The following PARD3B variants were observed in gnomAD, a reference collection of about 807,000 sequenced individuals.
PARD3B encodes the protein partitioning defective 3 homolog B.
PARD3B carries 103 observed loss-of-function variants against 130.2 expected under a neutral mutation model. That is an observed-to-expected ratio of 0.79 (90% CI 0.67 to 0.93). The LOEUF is 0.93. PARD3B is among the 40% of genes least tolerant of loss of function. PARD3B has a pLI of 0.00. For synonymous variants in PARD3B, 583 were observed against 553.2 expected, an observed-to-expected ratio of 1.05 and a Z score of -0.76; for missense variants, 1,609 against 1,499.2, an observed-to-expected ratio of 1.07 and a Z score of -1.21.
At chr2:205,038,112 G>T (rs1229867829) in intron 3 of PARD3B, among the ~76,000 whole-genome samples, 1 of 152,068 alleles carries the variant, frequency 6.6e-6, no homozygotes, top group African/African-American at 2.4e-5. Context: ...GTGATGGCAG[G>T]TGGTCTGTTT....
intron 1 of PARD3B, among the ~76,000 whole-genome samples, chr2:204,684,468 G>A (rs1167282702): frequency 6.6e-6 from 1 of 152,126 alleles, no homozygotes; most frequent in Non-Finnish European, 1.5e-5. Flanking sequence ...CAGAAGTCCT[G>A]GGTAGATTTG....
At position 205,500,167 on chromosome 2, in the gene PARD3B, C is replaced by A. The variant is rs533348599; in HGVS notation, c.3180+136C>A. The A allele has an allele frequency of 8.0e-6, 8 of 1,004,906 alleles. No homozygotes were observed. The South Asian group carries it at 1.2e-4, about 15-fold the overall frequency. 62.2% of individuals were successfully genotyped at this position (1,004,906 alleles called of 1,614,324 possible). ...TGGGCTTCATAGACAGGAACATTACCCAAACCACAGGCATATTCTCCCACA... is the reference window on the plus strand; with the variant it reads ...TGGGCTTCATAGACAGGAACATTACACAAACCACAGGCATATTCTCCCACA... On this transcript the variant is annotated intron_variant, in intron 21 of 22. Transcript: ENST00000406610.
chr2:205,216,618 G>A (rs551980010), intron 15 of PARD3B, among the ~76,000 whole-genome samples: 3 of 152,040 alleles, frequency 2.0e-5, no homozygotes, highest in African/African-American at 4.8e-5. Flanking sequence ...GACAAAAGGG[G>A]TATGAAGTAT....
At chr2:205,250,827 C>G (rs2039812984) in intron 16 of PARD3B, among the ~76,000 whole-genome samples, 1 of 151,972 alleles carries the variant, frequency 6.6e-6, no homozygotes, top group Non-Finnish European at 1.5e-5. Flanking sequence ...TACTTGGAAG[C>G]CTGAGGCAAG....
chr2:205,132,857 A>C (rs926921110), intron 10 of PARD3B, among the ~76,000 whole-genome samples: 16 of 152,200 alleles, frequency 1.1e-4, no homozygotes, highest in Admixed American at 8.5e-4. Context: ...AGTGAGTGCC[A>C]AATCATATTA....
chr2:204,656,464 A>G (rs1354864161), intron 1 of PARD3B, among the ~76,000 whole-genome samples: 1 of 152,172 alleles, frequency 6.6e-6, no homozygotes, highest in African/African-American at 2.4e-5. Flanking sequence ...TCATTTTCCA[A>G]TCTACTTCAC....
At chr2:205,518,835 G>T (rs988741904) in intron 21 of PARD3B, among the ~76,000 whole-genome samples, 1 of 152,050 alleles carries the variant, frequency 6.6e-6, no homozygotes, top group African/African-American at 2.4e-5. Context: ...CCTTTGCTTA[G>T]GAACCTTAGT....
chr2:204,829,909 G>C (rs1459053995), intron 2 of PARD3B, among the ~76,000 whole-genome samples: 3 of 147,460 alleles, frequency 2.0e-5, no homozygotes, highest in Admixed American at 7.0e-5. Context: ...TGAGGCAGGA[G>C]AATGGCGTGA....
chr2:205,072,668 T>C (rs1700813967), intron 4 of PARD3B, among the ~76,000 whole-genome samples: 1 of 152,230 alleles, frequency 6.6e-6, no homozygotes, highest in Admixed American at 6.5e-5. Flanking sequence ...TGGTAAAACT[T>C]ATTTTAAATA....
At chr2:204,695,540 T>A (rs966302109) in intron 2 of PARD3B, among the ~76,000 whole-genome samples, 1 of 152,084 alleles carries the variant, frequency 6.6e-6, no homozygotes, top group African/African-American at 2.4e-5. Context: ...TAGGTTTTTC[T>A]TATTTTAAGC....
At chr2:204,995,074 A>G (rs1694041518) in intron 3 of PARD3B, among the ~76,000 whole-genome samples, 1 of 151,720 alleles carries the variant, frequency 6.6e-6, no homozygotes, top group African/African-American at 2.4e-5. Flanking sequence ...AATTTAGTTC[A>G]TTTATATTTA....
chr2:205,351,110 CA>C lies in PARD3B; in HGVS notation c.2630+49413del, dbSNP rs1416620818. On this transcript the variant is annotated intron_variant, in intron 18 of 22. Transcript: ENST00000406610. The surrounding 1 kb of genome is among the most constrained non-coding windows in gnomAD (Gnocchi z 4.2). The stretch of plus-strand genomic sequence containing the variant: ...AAGTGAAATTCTCTTGATATTTTTT[CA>C]AAAGGTGAATATTTTCTGGAATAAA... Among the ~76,000 whole-genome samples, 2 of 152,052 alleles carry C rather than the reference CA, an allele frequency of 1.3e-5. No homozygotes were observed. The highest frequency in any genetic ancestry group is 2.9e-5 in the Non-Finnish European group (2 of 68,004).
At chr2:204,732,777 TG>T (rs1175758153) in intron 2 of PARD3B, among the ~76,000 whole-genome samples, 1 of 152,218 alleles carries the variant, frequency 6.6e-6, no homozygotes, top group Non-Finnish European at 1.5e-5. Context: ...CATTAGTATT[TG>T]GATGCTTATC....
At chr2:205,228,704 C>T (rs2038687207) in intron 15 of PARD3B, among the ~76,000 whole-genome samples, 1 of 152,094 alleles carries the variant, frequency 6.6e-6, no homozygotes, top group East Asian at 1.9e-4. Context: ...TTACCCCTGT[C>T]TCTCTCTCTG....
At chr2:205,382,834 G>A (rs1433332245) in intron 18 of PARD3B, among the ~76,000 whole-genome samples, 1 of 151,930 alleles carries the variant, frequency 6.6e-6, no homozygotes, top group Non-Finnish European at 1.5e-5. Context: ...GCCACTGGGA[G>A]CATTTTCAGG....
chr2:204,951,471 C>G lies in PARD3B; in HGVS notation c.223-13681C>G, dbSNP rs992355230. 3.3e-5 allele frequency among the ~76,000 whole-genome samples: 5 copies of G among 152,252 alleles called. 1 individual carries two copies. The highest frequency in any genetic ancestry group is 6.8e-3 in the Middle Eastern group (2 of 294). ...TCCTAACTGTATTACCATCTGTTAT[C>G]TCATTGAAACACCACTTCTGTAGCC... On this transcript the variant is annotated intron_variant, in intron 2 of 22. Coordinates refer to ENST00000406610, the MANE Select transcript of PARD3B (RefSeq NM_001302769.2).
At chr2:204,867,037 C>A (rs2045449303) in intron 2 of PARD3B, among the ~76,000 whole-genome samples, 1 of 151,970 alleles carries the variant, frequency 6.6e-6, no homozygotes, top group Non-Finnish European at 1.5e-5. Flanking sequence ...CCACTGCAGT[C>A]CAGCCTGGGC....
At chr2:205,339,331 AT>A (rs1301091188) in intron 18 of PARD3B, among the ~76,000 whole-genome samples, 4 of 152,220 alleles carry the variant, frequency 2.6e-5, no homozygotes, top group African/African-American at 9.6e-5. Context: ...CTGTGAATTA[AT>A]TTTAAAAAGG....
chr2:205,008,775 C>T (rs78425697), intron 3 of PARD3B, among the ~76,000 whole-genome samples: 4,386 of 152,244 alleles, frequency 0.029, 100 homozygotes, highest in Non-Finnish European at 0.042. Flanking sequence ...ATTCTACATA[C>T]ATTATTTCAT....
Sources: allele counts gnomAD v4.1 joint callset (sites outside exome capture counted in the v4.1 genomes callset), GRCh38; gene constraint gnomAD v4.1.1; non-coding constraint Gnocchi (gnomAD v3.1); transcripts MANE v1.5; gene names NCBI Gene and HGNC (gene_info 2026-07-23, HGNC 2026-07-21).